The following KIFAP3 variants were observed in gnomAD, a reference collection of about 807,000 sequenced individuals.
KIFAP3 encodes the protein kinesin-associated protein 3.
In KIFAP3, 68 loss-of-function variants were observed where a neutral mutation model predicts 106.5. The observed-to-expected ratio is 0.64, with a 90% CI of 0.53 to 0.78. The LOEUF is 0.78. Ranked by LOEUF, KIFAP3 falls within the 30% of genes least tolerant of loss-of-function variation. The pLI, the probability that KIFAP3 is intolerant of heterozygous loss-of-function variation, is 0.00. For missense variants in KIFAP3, 780 were observed against 941.8 expected (o/e 0.83, Z 2.25); for synonymous variants, 320 against 311.5 (o/e 1.03, Z -0.29).
intron 19 of KIFAP3, among the ~76,000 whole-genome samples, chr1:169,941,148 A>T (rs1363680018): frequency 6.6e-6 from 1 of 152,200 alleles, no homozygotes; most frequent in Non-Finnish European, 1.5e-5. Context: ...CTATTATGTT[A>T]CAATTTAAGT....
chr1:170,015,314 CATAATT>C (rs1233195983), intron 10 of KIFAP3, among the ~76,000 whole-genome samples: 2 of 152,162 alleles, frequency 1.3e-5, no homozygotes, highest in African/African-American at 4.8e-5. Flanking sequence ...ATAGGTGACA[CATAATT>C]ATGTCAGATT....
At chr1:169,971,754 G>C (rs917264493) in intron 17 of KIFAP3, among the ~76,000 whole-genome samples, 50 of 152,098 alleles carry the variant, frequency 3.3e-4, no homozygotes, top group Non-Finnish European at 2.4e-4. Context: ...TAAAACTACT[G>C]AGTAGGCTAC....
intron 1 of KIFAP3, among the ~76,000 whole-genome samples, chr1:170,072,684 A>G (rs1671759153): frequency 6.6e-6 from 1 of 152,206 alleles, no homozygotes; most frequent in Admixed American, 6.5e-5. Flanking sequence ...AACAAAATAT[A>G]AAAGTAAAAA....
chr1:170,047,830 A>T (rs1457850115), intron 2 of KIFAP3, among the ~76,000 whole-genome samples: 1 of 152,188 alleles, frequency 6.6e-6, no homozygotes, highest in Non-Finnish European at 1.5e-5. Context: ...TTACCTAGTT[A>T]CACGGATTCA....
At chr1:169,931,818 T>C (rs912923973) in intron 19 of KIFAP3, among the ~76,000 whole-genome samples, 2 of 152,216 alleles carry the variant, frequency 1.3e-5, no homozygotes, top group African/African-American at 4.8e-5. Flanking sequence ...AGTTTAACTA[T>C]ACTGTCTGGT....
At chr1:169,990,141 C>A in intron 11 of KIFAP3, 1 of 1,498,478 alleles carries the variant, frequency 6.7e-7, no homozygotes, top group Non-Finnish European at 9.0e-7. Flanking sequence ...TGCATATTTA[C>A]AAGAAGCACA....
chr1:169,941,511 G>T (rs1664113040), intron 19 of KIFAP3, among the ~76,000 whole-genome samples: 1 of 142,042 alleles, frequency 7.0e-6, no homozygotes, highest in Non-Finnish European at 1.5e-5. Context: ...TTTTTATGAG[G>T]ATGAGAATAA....
Position 169,921,718 on chromosome 1 carries a change from T to G in KIFAP3, c.2337A>C (p.Gly779=). Residue 779 remains glycine, a synonymous_variant, in exon 20 of 20, where the codon GGA becomes GGC. Coordinates refer to ENST00000361580, the MANE Select transcript of KIFAP3 (RefSeq NM_014970.4). ...AGTAGTAAGGTTCATCAGGGCGGAA[T>G]CCATATGCTGTGGCAGGGCGTCCAA... is the stretch of plus-strand genomic sequence containing the variant. ...GILGRPATAY[G]FRPDEPYYYG... is the part of the protein sequence containing the mutation. 6.2e-7 allele frequency: 1 copy of G among 1,613,922 alleles called. No homozygotes were observed. Among genetic ancestry groups the G allele is most frequent in the South Asian group, 1.1e-5 (1 of 91,074 alleles).
intron 12 of KIFAP3, among the ~76,000 whole-genome samples, chr1:169,983,923 T>G (rs543907852): frequency 6.6e-6 from 1 of 151,830 alleles, no homozygotes; most frequent in African/African-American, 2.4e-5. Flanking sequence ...AATTCTTTAA[T>G]AGACAATTTT....
At chr1:169,987,002 T>G (rs1666859869) in intron 11 of KIFAP3, among the ~76,000 whole-genome samples, 1 of 151,992 alleles carries the variant, frequency 6.6e-6, no homozygotes, top group African/African-American at 2.4e-5. Context: ...CGAGCTAAAT[T>G]AGGACTAAAT....
chr1:170,015,311 A>G (rs1456687139), intron 10 of KIFAP3, among the ~76,000 whole-genome samples: 1 of 152,214 alleles, frequency 6.6e-6, no homozygotes, highest in African/African-American at 2.4e-5. Context: ...CTAATAGGTG[A>G]CACATAATTA....
At chr1:170,032,030 A>T (rs1308697992) in intron 7 of KIFAP3, 46 bp from the exon 8 acceptor site, 3 of 1,055,774 alleles carry the variant, frequency 2.8e-6, no homozygotes, top group Non-Finnish European at 4.3e-6. Context: ...AAGCAAAAAA[A>T]ATCTACTGAT....
chr1:169,992,060 C>CT (rs981569772), intron 11 of KIFAP3, 95 bp downstream of exon 11: 38 of 525,046 alleles, frequency 7.2e-5, no homozygotes, highest in South Asian at 2.4e-4. Flanking sequence ...AAGAAGAGAA[C>CT]TTTTTTAGAG....
intron 19 of KIFAP3, among the ~76,000 whole-genome samples, chr1:169,953,280 TA>T (rs1664821952): frequency 6.6e-6 from 1 of 152,154 alleles, no homozygotes; most frequent in Non-Finnish European, 1.5e-5. Context: ...ATTATTTTAA[TA>T]AAATGCCATC....
chr1:170,016,450 TA>T lies in KIFAP3; in HGVS notation c.1183+11del. ...TCCAGACAACACTGTCATTAATTTC[TA>T]AAAAGCATACCTAGGAGTGCAGTGA... On this transcript the variant is annotated intron_variant, in intron 10 of 19. Coordinates refer to ENST00000361580, the MANE Select transcript of KIFAP3 (RefSeq NM_014970.4). 6.3e-7 allele frequency: 1 copy of T among 1,585,490 alleles called. No individual in the cohort carries two copies. The highest frequency in any genetic ancestry group is 1.2e-5 in the South Asian group (1 of 85,092).
chr1:169,989,897 T>C (rs1039134116), intron 11 of KIFAP3, among the ~76,000 whole-genome samples: 1 of 152,078 alleles, frequency 6.6e-6, no homozygotes, highest in African/African-American at 2.4e-5. Context: ...TTATGGTCTA[T>C]TTTTTACTAT....
chr1:170,049,707 G>A lies in KIFAP3; in HGVS notation c.165-2841C>T, dbSNP rs140470499. ...TACCCAGGAGGACGGGGTCTGGAGTGGAATTGCAGCACACTGCAGCAGACC... is the reference window on the plus strand; with the variant it reads ...TACCCAGGAGGACGGGGTCTGGAGTAGAATTGCAGCACACTGCAGCAGACC... On this transcript the variant is annotated intron_variant, in intron 2 of 19. Transcript: ENST00000361580. Among the ~76,000 whole-genome samples, 1,090 of 152,228 alleles carry A rather than the reference G, an allele frequency of 7.2e-3. 18 individuals are homozygous for A. The highest frequency in any genetic ancestry group is 0.024 in the African/African-American group (999 of 41,514).
chr1:170,005,354 A>T (rs1054215786), intron 10 of KIFAP3, among the ~76,000 whole-genome samples: 2,793 of 152,160 alleles, frequency 0.018, 69 homozygotes, highest in African/African-American at 0.062. Flanking sequence ...ATCCCATTAC[A>T]GGGTATATAC....
chr1:170,020,792 C>T (rs1288825749), intron 9 of KIFAP3, among the ~76,000 whole-genome samples: 3 of 152,032 alleles, frequency 2.0e-5, no homozygotes, highest in Non-Finnish European at 2.9e-5. Context: ...ACTAGACATC[C>T]ATATTAAAAA....
Sources: allele counts gnomAD v4.1 joint callset (sites outside exome capture counted in the v4.1 genomes callset), GRCh38; gene constraint gnomAD v4.1.1; transcripts MANE v1.5; gene names NCBI Gene and HGNC (gene_info 2026-07-23, HGNC 2026-07-21).